TBXAS1: variants seen among roughly 807,000 people sequenced by gnomAD.
The protein encoded by TBXAS1 is thromboxane A synthase 1, also known as thromboxane-A synthase.
A neutral mutation model predicts 60.7 loss-of-function variants in TBXAS1; 48 were observed. The ratio of observed to expected loss-of-function variants is 0.79; its 90% CI spans 0.63 to 1.01. TBXAS1 has a LOEUF of 1.01. Among genes scored for constraint, TBXAS1 ranks in the 50% least tolerant of loss-of-function variants. The pLI is 0.00. For synonymous variants in TBXAS1, 287 were observed against 269.7 expected (o/e 1.06, Z -0.63); for missense variants, 685 against 686.3 (o/e 1.00, Z 0.02).
At chr7:139,943,347 G>A (rs952013911) in intron 5 of TBXAS1, among the ~76,000 whole-genome samples, 6 of 152,152 alleles carry the variant, frequency 3.9e-5, no homozygotes, top group East Asian at 1.9e-4. Context: ...AGACACAGTC[G>A]TGTTCCACCG....
At chr7:139,785,174 G>A (rs1006109114) in intron 3 of TBXAS1, among the ~76,000 whole-genome samples, 1 of 152,106 alleles carries the variant, frequency 6.6e-6, no homozygotes, top group South Asian at 2.1e-4. Context: ...AGAGAGACCT[G>A]ATCATTTAGG....
chr7:139,859,851 A>G (rs953647408), intron 1 of TBXAS1, among the ~76,000 whole-genome samples: 1 of 152,186 alleles, frequency 6.6e-6, no homozygotes, highest in Non-Finnish European at 1.5e-5. Context: ...ATAAAACGTT[A>G]TCTTTGGCCA....
chr7:139,990,397 C>A (rs1043672247), intron 9 of TBXAS1, among the ~76,000 whole-genome samples: 1 of 152,218 alleles, frequency 6.6e-6, no homozygotes, highest in East Asian at 1.9e-4. Context: ...CTGCAGCTAC[C>A]TGTGTCTCCT....
intron 9 of TBXAS1, among the ~76,000 whole-genome samples, chr7:139,997,404 T>C (rs933559567): frequency 1.3e-5 from 2 of 152,208 alleles, no homozygotes; most frequent in African/African-American, 4.8e-5. Context: ...AACAGAATCC[T>C]AAATATTACC....
intron 2 of TBXAS1, among the ~76,000 whole-genome samples, chr7:139,782,077 A>T (rs1569488555): frequency 6.6e-6 from 1 of 151,878 alleles, no homozygotes; most frequent in African/African-American, 2.4e-5. Context: ...CATGGGCCTG[A>T]GACAATGAGA....
chr7:139,948,296 G>C (rs1808910267), intron 5 of TBXAS1, among the ~76,000 whole-genome samples: 1 of 151,220 alleles, frequency 6.6e-6, no homozygotes, highest in South Asian at 2.1e-4. Context: ...TTGTGCATGA[G>C]AGAGAGAGAG....
At chr7:139,974,714 C>T (rs907017411) in intron 9 of TBXAS1, among the ~76,000 whole-genome samples, 2 of 152,180 alleles carry the variant, frequency 1.3e-5, no homozygotes, top group East Asian at 1.9e-4. Context: ...TACTCTCATT[C>T]GCCTTTCTGT....
At chr7:139,839,676 CA>C (rs1297739214) in intron 1 of TBXAS1, among the ~76,000 whole-genome samples, 3,751 of 89,304 alleles carry the variant, frequency 0.042, 128 homozygotes, top group African/African-American at 0.13. Flanking sequence ...CTGCTTCTAC[CA>C]AAAAAAAAAA....
chr7:139,871,049 C>CAGCCT (rs1364056442), intron 1 of TBXAS1, among the ~76,000 whole-genome samples: 6 of 152,164 alleles, frequency 3.9e-5, no homozygotes, highest in South Asian at 2.1e-4. Context: ...CCACTGCACT[C>CAGCCT]CAGCCTGGGT....
chr7:139,829,593 G>A (rs560812347), intron 1 of TBXAS1, 114 bp downstream of exon 1: 21 of 960,102 alleles, frequency 2.2e-5, no homozygotes, highest in Admixed American at 6.0e-5. Flanking sequence ...CTAATCTAGC[G>A]GGAGTGAGTA....
intron 9 of TBXAS1, among the ~76,000 whole-genome samples, chr7:139,979,665 G>A (rs1292872012): frequency 1.3e-5 from 2 of 151,538 alleles, no homozygotes; most frequent in Non-Finnish European, 2.9e-5. Context: ...AGCAGAGGTT[G>A]CAGTGAGCCA....
At chr7:139,792,637 T>C (rs1797422459) in intron 4 of TBXAS1, among the ~76,000 whole-genome samples, 1 of 152,216 alleles carries the variant, frequency 6.6e-6, no homozygotes, top group South Asian at 2.1e-4. Flanking sequence ...GTCCTCTTTA[T>C]CTGCAGGGAT....
chr7:139,826,454 CAG>C (rs1237813939), upstream of TBXAS1, among the ~76,000 whole-genome samples: 4 of 152,164 alleles, frequency 2.6e-5, no homozygotes, highest in Non-Finnish European at 5.9e-5. Flanking sequence ...CTGTTAAAAA[CAG>C]GGAGGCAGGG....
intron 3 of TBXAS1, among the ~76,000 whole-genome samples, chr7:139,784,852 T>C (rs1489452370): frequency 6.6e-6 from 1 of 151,922 alleles, no homozygotes; most frequent in African/African-American, 2.4e-5. Flanking sequence ...TAATAGGAGA[T>C]AGAGATTGTT....
At position 139,984,933 on chromosome 7, in the gene TBXAS1, AAAG is replaced by A. The variant is rs1167527050; in HGVS notation, c.1135-22155_1135-22153del. On this transcript the variant is annotated intron_variant, in intron 9 of 12. Coordinates refer to ENST00000448866, the MANE Select transcript of TBXAS1 (RefSeq NM_001061.7). The stretch of plus-strand genomic sequence containing the variant: ...GAAAGAAAGAAAGAAGGAAAGAAAG[AAAG>A]AAAGAAAAGAAAAGAAAGAAAGAAA... 1.1e-4 allele frequency among the ~76,000 whole-genome samples: 8 copies of A among 74,314 alleles called. No homozygotes were observed. In the South Asian group the frequency reaches 1.9e-3, roughly 18 times the overall value. 48.8% of individuals were successfully genotyped at this position (74,314 alleles called of 152,430 possible).
chr7:139,931,106 T>TAC (rs377458456), intron 4 of TBXAS1, among the ~76,000 whole-genome samples: 1 of 151,832 alleles, frequency 6.6e-6, no homozygotes, highest in African/African-American at 2.4e-5. Flanking sequence ...CACACATGCA[T>TAC]ACACACACAC....
intron 1 of TBXAS1, among the ~76,000 whole-genome samples, 171 bp downstream of exon 1, chr7:139,829,650 G>C (rs1569495744): frequency 6.6e-6 from 1 of 152,174 alleles, no homozygotes; most frequent in Non-Finnish European, 1.5e-5. Context: ...TTAATCTTTT[G>C]CTAAAATGCA....
chr7:140,007,200 C>T lies in TBXAS1; in HGVS notation c.1226+18C>T, dbSNP rs958686705. 1.9e-6 allele frequency: 3 copies of T among 1,612,964 alleles called. No homozygotes were observed. In the Admixed American group the frequency reaches 5.0e-5, roughly 27 times the overall value. Reference sequence around the variant, plus strand: ...GCTTTCAGGTGTGTGGTAGCCCCCTCCCCTGCCCGAGTCCCCACCTCCTAC... The same window carrying T: ...GCTTTCAGGTGTGTGGTAGCCCCCTTCCCTGCCCGAGTCCCCACCTCCTAC... On this transcript the variant is annotated intron_variant, in intron 10 of 12. Transcript: ENST00000448866.
intron 1 of TBXAS1, among the ~76,000 whole-genome samples, chr7:139,862,559 T>A (rs1045264720): frequency 6.6e-6 from 1 of 152,082 alleles, no homozygotes; most frequent in African/African-American, 2.4e-5. Context: ...GGAAACTTAC[T>A]GGGAAGGAAT....
Sources: allele counts gnomAD v4.1 joint callset (sites outside exome capture counted in the v4.1 genomes callset), GRCh38; gene constraint gnomAD v4.1.1; transcripts MANE v1.5; gene names NCBI Gene and HGNC (gene_info 2026-07-23, HGNC 2026-07-21).